GRM4: variants seen among roughly 807,000 people sequenced by gnomAD.
The protein encoded by GRM4 is metabotropic glutamate receptor 4.
Under a neutral mutation model 81.7 loss-of-function variants are expected in GRM4, and 28 were observed. That is an observed-to-expected ratio of 0.34 (90% CI 0.25 to 0.47). GRM4 has a LOEUF of 0.47. GRM4 is among the 20% of genes least tolerant of loss of function. GRM4 has a pLI of 1.00. For missense variants in GRM4, 948 were observed against 1,290.0 expected, an observed-to-expected ratio of 0.73 and a Z score of 4.06; for synonymous variants, 488 against 528.8, an observed-to-expected ratio of 0.92 and a Z score of 1.06.
intron 10 of GRM4, 40 bp downstream of exon 10, chr6:34,028,080 G>A (rs1764221314): frequency 2.5e-6 from 4 of 1,580,994 alleles, no homozygotes; most frequent in Non-Finnish European, 3.4e-6. Context: ...AAGGAGCGGG[G>A]CCTGGGGCCC....
At chr6:34,098,853 G>A (rs1368617330) in intron 2 of GRM4, among the ~76,000 whole-genome samples, 2 of 152,156 alleles carry the variant, frequency 1.3e-5, no homozygotes, top group Non-Finnish European at 2.9e-5. Context: ...CCCCTACAGC[G>A]CCTTAGCTGC....
rs2499722 is a variant in GRM4 at position 34,115,682 on chromosome 6, C to T, written c.519+17296G>A. Among the ~76,000 whole-genome samples, 89,712 of 152,118 alleles carry T rather than the reference C, an allele frequency of 0.59. 26,597 individuals carry two copies. Among genetic ancestry groups the T allele is most frequent in the Admixed American group, 0.65 (9,896 of 15,290 alleles). Reference sequence around the variant, plus strand: ...GACAAGCCTTGCTGGGTTTTGGGCCCAACTCCAATCCTCTGTCTGCTCCCA... The same window carrying T: ...GACAAGCCTTGCTGGGTTTTGGGCCTAACTCCAATCCTCTGTCTGCTCCCA... On this transcript the variant is annotated intron_variant, in intron 2 of 10. Transcript: ENST00000538487. This position sits in a 1 kb window ranked among gnomAD's most constrained non-coding sequence, Gnocchi z 4.1.
intron 3 of GRM4, among the ~76,000 whole-genome samples, chr6:34,073,189 A>G (rs1380330119): frequency 1.0e-4 from 1 of 9,656 alleles, no homozygotes; most frequent in Non-Finnish European, 2.4e-4. Context: ...ACAAATACAC[A>G]TTACACAAAC....
rs764917121 is a variant in GRM4 at position 34,089,450 on chromosome 6, G to A, written c.736+2433C>T. Among the ~76,000 whole-genome samples, 17 of 151,934 alleles carry A rather than the reference G, an allele frequency of 1.1e-4. No individual in the cohort carries two copies. The highest frequency in any genetic ancestry group is 2.2e-4 in the Non-Finnish European group (15 of 67,996). On this transcript the variant is annotated intron_variant, in intron 3 of 10. Transcript: ENST00000538487. The surrounding 1 kb of genome is among the most constrained non-coding windows in gnomAD (Gnocchi z 4.3). Reference sequence around the variant, plus strand: ...TCAAATTTCATTTATTGGGTTGCGCGACGAGACCTAGCTGCCTGAACTGCC... The same window carrying A: ...TCAAATTTCATTTATTGGGTTGCGCAACGAGACCTAGCTGCCTGAACTGCC...
At chr6:34,037,055 A>C (rs929227155) in intron 8 of GRM4, among the ~76,000 whole-genome samples, 1 of 152,216 alleles carries the variant, frequency 6.6e-6, no homozygotes, top group Non-Finnish European at 1.5e-5. Context: ...CTACTAACTC[A>C]GAATCTGAGT....
chr6:34,087,740 T>C (rs1767981671), intron 3 of GRM4, among the ~76,000 whole-genome samples: 1 of 113,604 alleles, frequency 8.8e-6, no homozygotes, highest in Admixed American at 1.1e-4. Flanking sequence ...AGTCTACAGA[T>C]ATCCCCACCA....
At chr6:34,122,850 C>T (rs1234089776) in intron 2 of GRM4, among the ~76,000 whole-genome samples, 2 of 152,210 alleles carry the variant, frequency 1.3e-5, no homozygotes, top group Non-Finnish European at 2.9e-5. Flanking sequence ...TGGGGAGAGA[C>T]ACGATTCCCG....
chr6:34,116,992 A>C (rs140499940), intron 2 of GRM4, among the ~76,000 whole-genome samples: 13 of 152,330 alleles, frequency 8.5e-5, no homozygotes, highest in African/African-American at 2.9e-4. Context: ...AAATCAGGCT[A>C]TTGATTATCC....
rs1015197782 is a variant in GRM4, at chr6:34,068,043, C to A, written c.737-6015G>T. Among the ~76,000 whole-genome samples, 1 of 152,250 alleles carries A rather than the reference C, an allele frequency of 6.6e-6. No individual in the cohort carries two copies. Among genetic ancestry groups the A allele is most frequent in the South Asian group, 2.1e-4 (1 of 4,836 alleles). ...CGTGAGACACTGGGATGCAGCCATGCAGAGGACAGAAGCCCGGCGCCATGC... is the reference window on the plus strand; with the variant it reads ...CGTGAGACACTGGGATGCAGCCATGAAGAGGACAGAAGCCCGGCGCCATGC... On this transcript the variant is annotated intron_variant, in intron 3 of 10. Coordinates refer to ENST00000538487, the MANE Select transcript of GRM4 (RefSeq NM_000841.4). This position sits in a 1 kb window ranked among gnomAD's most constrained non-coding sequence, Gnocchi z 4.2.
At chr6:34,029,780 G>A (rs1764322376) in intron 9 of GRM4, among the ~76,000 whole-genome samples, 1 of 152,232 alleles carries the variant, frequency 6.6e-6, no homozygotes, top group South Asian at 2.1e-4. Flanking sequence ...AGAGACATGG[G>A]GGACACGGGG....
At chr6:34,122,937 C>A (rs1769874451) in intron 2 of GRM4, among the ~76,000 whole-genome samples, 1 of 152,200 alleles carries the variant, frequency 6.6e-6, no homozygotes, top group Admixed American at 6.5e-5. Flanking sequence ...CACAAGGCAG[C>A]AAGAAGGGCA....
chr6:34,133,893 C>G lies in GRM4; in HGVS notation c.-363-34G>C. The G allele has an allele frequency of 1.0e-6, 1 of 977,000 alleles. No homozygotes were observed. The highest frequency in any genetic ancestry group is 1.2e-6 in the Non-Finnish European group (1 of 814,852). 60.5% of individuals were successfully genotyped at this position (977,000 alleles called of 1,614,324 possible). A position where few individuals can be genotyped will look rare whatever the true frequency, so the allele number is the denominator to read the frequency against. The stretch of plus-strand genomic sequence containing the variant: ...GGGAAGAGAGAGAGAGAATATCAAA[C>G]AGAAGCCCAAAGAAGACATTAGCTA... On this transcript the variant is annotated intron_variant, in intron 1 of 10. Transcript: ENST00000538487. The surrounding 1 kb of genome is among the most constrained non-coding windows in gnomAD (Gnocchi z 6.5).
chr6:34,083,956 G>T (rs571484443), intron 3 of GRM4, among the ~76,000 whole-genome samples: 1 of 152,286 alleles, frequency 6.6e-6, no homozygotes, highest in Non-Finnish European at 1.5e-5. Context: ...AAGCCCTGAG[G>T]GGTCACCCCT....
chr6:34,103,109 TG>T (rs1454469409), intron 2 of GRM4, among the ~76,000 whole-genome samples: 17 of 152,290 alleles, frequency 1.1e-4, no homozygotes. Flanking sequence ...AAGCAAACGC[TG>T]GGAAGCTGCC....
intron 1 of GRM4, among the ~76,000 whole-genome samples, chr6:34,154,345 A>T (rs1306486376): frequency 1.3e-5 from 2 of 151,924 alleles, no homozygotes; most frequent in Non-Finnish European, 2.9e-5. Flanking sequence ...TGGCCAAATT[A>T]CCTTCTCTTC....
At position 34,133,789 on chromosome 6, in the gene GRM4, G is replaced by A; in HGVS notation, c.-293C>T. 2 of 1,191,620 alleles carry A rather than the reference G, an allele frequency of 1.7e-6. No individual in the cohort carries two copies. The highest frequency in any genetic ancestry group is 2.1e-6 in the Non-Finnish European group (2 of 962,498). 73.8% of individuals were successfully genotyped at this position (1,191,620 alleles called of 1,614,324 possible). On this transcript the variant is annotated 5_prime_UTR_variant, in exon 2 of 11. Coordinates refer to ENST00000538487, the MANE Select transcript of GRM4 (RefSeq NM_000841.4). The surrounding 1 kb of genome is among the most constrained non-coding windows in gnomAD (Gnocchi z 6.5). ...TTCTCGGTGGATGACTGTGGAAAGG[G>A]CAGAATGCTCCTAGCTTGGCGTATC...
chr6:34,128,602 T>C (rs2127508612), intron 2 of GRM4, among the ~76,000 whole-genome samples: 1 of 152,240 alleles, frequency 6.6e-6, no homozygotes, highest in Admixed American at 6.5e-5. Flanking sequence ...GGTCTCGAAC[T>C]CCTGACCTCA....
rs1434645331 is a variant in GRM4, at chr6:34,040,542, C to T, written c.1369+6G>A. Reference sequence around the variant, plus strand: ...GGGTCAGGCACAGTCCGCACCACACCCCCACCTGAGAAGTTGACGTTTCGG... The same window carrying T: ...GGGTCAGGCACAGTCCGCACCACACTCCCACCTGAGAAGTTGACGTTTCGG... On this transcript the variant is annotated splice_donor_region_variant and intron_variant, in intron 7 of 10. Coordinates refer to ENST00000538487, the MANE Select transcript of GRM4 (RefSeq NM_000841.4). 6.2e-7 allele frequency: 1 copy of T among 1,610,422 alleles called. No homozygotes were observed. Among genetic ancestry groups the T allele is most frequent in the Non-Finnish European group, 8.5e-7 (1 of 1,178,018 alleles).
intron 2 of GRM4, chr6:34,102,089 T>C: frequency 6.5e-7 from 1 of 1,535,614 alleles, no homozygotes; most frequent in Non-Finnish European, 8.7e-7. Flanking sequence ...GGCGCCATCA[T>C]GGGGAAATAG....
Sources: gnomAD v4.1 joint callset for allele counts (sites outside exome capture counted in the v4.1 genomes callset) on GRCh38, gnomAD v4.1.1 for gene constraint, Gnocchi (gnomAD v3.1) non-coding constraint, MANE v1.5 for transcripts, NCBI Gene and HGNC (gene_info 2026-07-23, HGNC 2026-07-21) for gene names.